NCALD: variants seen among roughly 807,000 people sequenced by gnomAD.
The protein encoded by NCALD is neurocalcin delta, also known as neurocalcin-delta.
NCALD carries 10 observed loss-of-function variants against 18.6 expected under a neutral mutation model. The observed-to-expected ratio is 0.54, with a 90% CI of 0.33 to 0.91. The LOEUF is 0.91. NCALD is among the 40% of genes least tolerant of loss of function. The pLI is 0.03. For missense variants in NCALD, 184 were observed against 247.6 expected (o/e 0.74, Z 1.72); for synonymous variants, 88 against 87.4 (o/e 1.01, Z -0.04).
At chr8:101,969,507 A>G (rs1341671068) in intron 2 of NCALD, among the ~76,000 whole-genome samples, 1 of 152,208 alleles carries the variant, frequency 6.6e-6, no homozygotes, top group East Asian at 1.9e-4. Context: ...TAAAAAACAC[A>G]TAGTTTGGGA....
intron 4 of NCALD, among the ~76,000 whole-genome samples, chr8:101,867,680 G>A (rs1815829705): frequency 6.6e-6 from 1 of 152,174 alleles, no homozygotes; most frequent in Non-Finnish European, 1.5e-5. Context: ...TGAAGGCATT[G>A]CCATATCGTG....
At chr8:101,747,557 T>G (rs891035613) in intron 1 of NCALD, among the ~76,000 whole-genome samples, 3 of 152,114 alleles carry the variant, frequency 2.0e-5, no homozygotes, top group African/African-American at 7.2e-5. Context: ...GAATAAATTT[T>G]CTCTGTGGCA....
chr8:101,725,675 G>T (rs549609451), intron 1 of NCALD, among the ~76,000 whole-genome samples: 1 of 152,126 alleles, frequency 6.6e-6, no homozygotes, highest in Non-Finnish European at 1.5e-5. Flanking sequence ...GCTCACTTCG[G>T]CCCCACACCT....
chr8:101,838,217 GTTTCT>G (rs1165966547), intron 4 of NCALD, among the ~76,000 whole-genome samples: 2 of 151,724 alleles, frequency 1.3e-5, no homozygotes, highest in African/African-American at 4.9e-5. Flanking sequence ...ATAGTTAAGT[GTTTCT>G]TTTATTTTCT....
At chr8:101,987,379 C>A (rs568259801) in intron 2 of NCALD, among the ~76,000 whole-genome samples, 61 of 152,292 alleles carry the variant, frequency 4.0e-4, no homozygotes, top group African/African-American at 1.3e-3. Context: ...CTACTTTTGT[C>A]CTCTGACTGA....
chr8:102,084,259 A>G (rs1405503261), intron 1 of NCALD, among the ~76,000 whole-genome samples: 2 of 152,258 alleles, frequency 1.3e-5, no homozygotes, highest in African/African-American at 2.4e-5. Context: ...ACACAGCACC[A>G]AAGTAGGTTA....
intron 3 of NCALD, among the ~76,000 whole-genome samples, chr8:101,901,660 A>G (rs1563877978): frequency 6.6e-6 from 1 of 152,312 alleles, no homozygotes; most frequent in East Asian, 1.9e-4. Flanking sequence ...TTAAATATTT[A>G]TCTACGTACA....
At chr8:101,848,251 G>A (rs113888578) in intron 4 of NCALD, among the ~76,000 whole-genome samples, 333 of 152,226 alleles carry the variant, frequency 2.2e-3, no homozygotes, top group Non-Finnish European at 3.9e-3. Context: ...GCACCTCAGG[G>A]TCTCCACGGA....
At chr8:101,772,818 T>C (rs1327089762) in intron 1 of NCALD, among the ~76,000 whole-genome samples, 1 of 152,194 alleles carries the variant, frequency 6.6e-6, no homozygotes, top group Non-Finnish European at 1.5e-5. Flanking sequence ...GTTCACCATC[T>C]TAAATCTAAC....
Position 102,051,050 on chromosome 8 carries a change from T to C in NCALD, c.-209-30761A>G, listed in dbSNP as rs114660168. ...CCAAAAAATGTCATACATGTTTATA[T>C]ACTCTCATTTGGAAGAAATGTCCAA... On this transcript the variant is annotated intron_variant, in intron 1 of 6. Transcript: ENST00000311028. Among the ~76,000 whole-genome samples, 511 of 152,070 alleles carry C rather than the reference T, an allele frequency of 3.4e-3. 4 individuals are homozygous for C. The highest frequency in any genetic ancestry group is 0.012 in the African/African-American group (496 of 41,478).
intron 4 of NCALD, among the ~76,000 whole-genome samples, chr8:101,861,883 T>C (rs1012565786): frequency 6.6e-6 from 1 of 152,236 alleles, no homozygotes; most frequent in Admixed American, 6.5e-5. Flanking sequence ...GGTCTCGACT[T>C]CATGTCCAGG....
intron 4 of NCALD, among the ~76,000 whole-genome samples, chr8:101,864,617 G>A (rs1586654708): frequency 7.1e-6 from 1 of 140,938 alleles, no homozygotes. Flanking sequence ...TTTCTGAGAC[G>A]GAGTTTCCCT....
chr8:101,745,416 T>A (rs1329417318), intron 1 of NCALD, among the ~76,000 whole-genome samples: 1 of 152,180 alleles, frequency 6.6e-6, no homozygotes, highest in East Asian at 1.9e-4. Context: ...ATTTCCCAGC[T>A]TCCCTCATAC....
intron 1 of NCALD, among the ~76,000 whole-genome samples, chr8:101,768,110 A>G (rs1410449389): frequency 6.6e-6 from 1 of 152,314 alleles, no homozygotes; most frequent in African/African-American, 2.4e-5. Flanking sequence ...TCAGCATTTG[A>G]ACTGCTTCAA....
chr8:101,717,377 C>G (rs1318171632), intron 2 of NCALD, among the ~76,000 whole-genome samples: 1 of 152,156 alleles, frequency 6.6e-6, no homozygotes, highest in Non-Finnish European at 1.5e-5. Flanking sequence ...CCAGTCTTCA[C>G]CCTGACCAGT....
intron 2 of NCALD, among the ~76,000 whole-genome samples, chr8:101,986,127 T>C (rs1353385089): frequency 6.6e-6 from 1 of 151,910 alleles, no homozygotes; most frequent in African/African-American, 2.4e-5. Context: ...GCCTCCCAGG[T>C]TCAAGCGATT....
At chr8:102,095,477 G>A (rs940645643) in intron 1 of NCALD, among the ~76,000 whole-genome samples, 4 of 152,186 alleles carry the variant, frequency 2.6e-5, no homozygotes, top group Non-Finnish European at 4.4e-5. Context: ...TTGAGCATCT[G>A]TTAGGCTCGG....
At chr8:101,853,003 G>A (rs1407928350) in intron 4 of NCALD, among the ~76,000 whole-genome samples, 1 of 152,166 alleles carries the variant, frequency 6.6e-6, no homozygotes, top group African/African-American at 2.4e-5. Context: ...TGGTGAGGCA[G>A]CATTACATAG....
chr8:101,831,293 A>G (rs909744183), intron 4 of NCALD, among the ~76,000 whole-genome samples: 3 of 152,202 alleles, frequency 2.0e-5, no homozygotes, highest in African/African-American at 7.2e-5. Flanking sequence ...TGAGGATCAA[A>G]TAAGAATGGT....
Sources: gnomAD v4.1 joint callset for allele counts (sites outside exome capture counted in the v4.1 genomes callset) on GRCh38, gnomAD v4.1.1 for gene constraint, MANE v1.5 for transcripts, NCBI Gene and HGNC (gene_info 2026-07-23, HGNC 2026-07-21) for gene names.